ADCY5: variants seen among roughly 807,000 people sequenced by gnomAD.
The protein encoded by ADCY5 is adenylate cyclase 5.
ADCY5 carries 30 observed loss-of-function variants against 119.7 expected under a neutral mutation model. That is an observed-to-expected ratio of 0.25 (90% CI 0.19 to 0.34). ADCY5 has a LOEUF of 0.34. Among genes scored for constraint, ADCY5 ranks in the 10% least tolerant of loss-of-function variants. The pLI, the probability that ADCY5 is intolerant of heterozygous loss-of-function variation, is 1.00. For synonymous variants in ADCY5, 753 were observed against 762.2 expected, an observed-to-expected ratio of 0.99 and a Z score of 0.20; for missense variants, 1,324 against 1,775.2, an observed-to-expected ratio of 0.75 and a Z score of 4.57.
intron 1 of ADCY5, among the ~76,000 whole-genome samples, chr3:123,372,843 G>A (rs562409172): frequency 1.4e-4 from 21 of 152,276 alleles, no homozygotes; most frequent in Admixed American, 7.2e-4. Flanking sequence ...ATCAGCATTG[G>A]CAAGTCTGAA....
chr3:123,396,595 A>G (rs1944579987), intron 1 of ADCY5, among the ~76,000 whole-genome samples: 1 of 148,068 alleles, frequency 6.8e-6, no homozygotes, highest in African/African-American at 2.5e-5. Context: ...AAAGAGAAGA[A>G]AAAAGAGAGA....
intron 2 of ADCY5, among the ~76,000 whole-genome samples, chr3:123,350,605 C>T (rs1230668079): frequency 2.0e-5 from 3 of 152,184 alleles, no homozygotes; most frequent in Non-Finnish European, 2.9e-5. Context: ...CACAGGGCAC[C>T]TAGAAGCTTC....
intron 1 of ADCY5, among the ~76,000 whole-genome samples, chr3:123,407,470 G>C (rs1944929167): frequency 6.6e-6 from 1 of 151,838 alleles, no homozygotes; most frequent in African/African-American, 2.4e-5. Context: ...TTTTGCAAAT[G>C]CCAGGTATAG....
intron 3 of ADCY5, among the ~76,000 whole-genome samples, chr3:123,335,646 C>T (rs929204471): frequency 6.6e-6 from 1 of 152,106 alleles, no homozygotes; most frequent in Non-Finnish European, 1.5e-5. Flanking sequence ...GCTGTGGTAC[C>T]GGACAGGTAC....
chr3:123,302,865 G>C lies in ADCY5; in HGVS notation c.2724+190C>G, dbSNP rs1277541995. ...CCGCTTTAACAGTCATTGTCATATG[G>C]AGGAGGCTCCCCTTGTTCCCAGTGC... On this transcript the variant is annotated intron_variant, in intron 14 of 20. Transcript: ENST00000462833. 2.0e-5 allele frequency among the ~76,000 whole-genome samples: 3 copies of C among 152,318 alleles called. No homozygotes were observed. The East Asian group carries it at 5.8e-4, about 29-fold the overall frequency.
intron 1 of ADCY5, among the ~76,000 whole-genome samples, chr3:123,372,618 C>T (rs1943678326): frequency 6.6e-6 from 1 of 152,204 alleles, no homozygotes; most frequent in Non-Finnish European, 1.5e-5. Context: ...GAGAAACACA[C>T]ATGCCTGCCT....
At position 123,291,181 on chromosome 3, in the gene ADCY5, G is replaced by A. The variant is rs2108193709; in HGVS notation, c.3259C>T (p.Leu1087=). ...TCGACACCCTCGTTGTTGGCCTCCAGCTCAACGTAGAACTCGGAGAAGTTG... is the reference window on the plus strand; with the variant it reads ...TCGACACCCTCGTTGTTGGCCTCCAACTCAACGTAGAACTCGGAGAAGTTG... ...IANFSEFYVE[L]EANNEGVECL... is the part of the protein sequence containing the mutation. Residue 1087 remains leucine, a synonymous_variant, in exon 18 of 21, where the codon CTG becomes TTG. Coordinates refer to ENST00000462833, the MANE Select transcript of ADCY5 (RefSeq NM_183357.3). 6.2e-7 allele frequency: 1 copy of A among 1,614,130 alleles called. No individual in the cohort carries two copies. Among genetic ancestry groups the A allele is most frequent in the Non-Finnish European group, 8.5e-7 (1 of 1,180,048 alleles).
chr3:123,424,965 C>T (rs906780433), intron 1 of ADCY5, among the ~76,000 whole-genome samples: 12 of 152,228 alleles, frequency 7.9e-5, no homozygotes, highest in Admixed American at 1.3e-4. Context: ...AGGTTCATTT[C>T]GAGACTGACT....
intron 11 of ADCY5, among the ~76,000 whole-genome samples, chr3:123,314,915 C>T (rs955479055): frequency 2.0e-5 from 3 of 150,990 alleles, no homozygotes; most frequent in Non-Finnish European, 4.4e-5. Context: ...CAACAAGTCC[C>T]GCAGTTTTTG....
rs573368746 is a variant in ADCY5 at position 123,342,519 on chromosome 3, T to C, written c.1406+5263A>G. Reference sequence around the variant, plus strand: ...CCTCTGCCGGGACCCTGGCTGCAGATCCACAGGACTCGGGTGCCTGATCCA... The same window carrying C: ...CCTCTGCCGGGACCCTGGCTGCAGACCCACAGGACTCGGGTGCCTGATCCA... On this transcript the variant is annotated intron_variant, in intron 3 of 20. Transcript: ENST00000462833. Among the ~76,000 whole-genome samples the C allele has an allele frequency of 1.9e-3, 293 of 152,228 alleles. 2 individuals are homozygous for C. Among genetic ancestry groups the C allele is most frequent in the African/African-American group, 6.7e-3 (280 of 41,534 alleles).
chr3:123,396,727 G>GAGGAAGGAAGGAAGGA (rs774264918), intron 1 of ADCY5, among the ~76,000 whole-genome samples: 12 of 45,662 alleles, frequency 2.6e-4, no homozygotes, highest in African/African-American at 9.7e-4. Flanking sequence ...AGAAGGGAGG[G>GAGGAAGGAAGGAAGGA]AGGAAGGAAG....
chr3:123,303,365 G>C (rs1031561105), intron 13 of ADCY5, 146 bp from the exon 14 acceptor site: 11 of 942,298 alleles, frequency 1.2e-5, no homozygotes, highest in African/African-American at 1.7e-5. Context: ...GAAAGAGTCT[G>C]AGGAACGGGC....
intron 19 of ADCY5, chr3:123,287,100 C>A: frequency 3.3e-6 from 1 of 299,386 alleles, no homozygotes. Context: ...TTCCCTAATC[C>A]TCCTCCTCTT....
intron 1 of ADCY5, among the ~76,000 whole-genome samples, chr3:123,396,092 G>A (rs79798851): frequency 0.98 from 55,501 of 56,622 alleles, 27,213 homozygotes; most frequent in East Asian, 0.99. Context: ...GGGAAGGAGG[G>A]AGGGAAGGAA....
In ADCY5 at chr3:123,283,919, G is replaced by A. The variant is rs1267812462; in HGVS notation, c.*689C>T. 1 of 152,228 alleles carries A rather than the reference G, an allele frequency of 6.6e-6. No homozygotes were observed. Among genetic ancestry groups the A allele is most frequent in the African/African-American group, 2.4e-5 (1 of 41,446 alleles). The allele number at this position is 152,228 out of a possible 1,614,324, so 9.4% of individuals were successfully genotyped here. On this transcript the variant is annotated 3_prime_UTR_variant, in exon 21 of 21. Transcript: ENST00000462833. ...CTCTTACACGCATACAACTAGCATA[G>A]TCTAAAGAAGGGCACGGAGAACTTG... is the stretch of plus-strand genomic sequence containing the variant.
At chr3:123,345,583 G>C (rs1248804123) in intron 3 of ADCY5, among the ~76,000 whole-genome samples, 1 of 152,272 alleles carries the variant, frequency 6.6e-6, no homozygotes, top group East Asian at 1.9e-4. Context: ...CACTTGGTGG[G>C]CTACCCCTTC....
chr3:123,345,215 T>C (rs1418008118), intron 3 of ADCY5, among the ~76,000 whole-genome samples: 3 of 152,002 alleles, frequency 2.0e-5, no homozygotes, highest in Admixed American at 6.5e-5. Context: ...GCCAGCACCG[T>C]GGAACGAGGA....
chr3:123,416,202 T>G (rs1945182001), intron 1 of ADCY5: 1 of 1,536,072 alleles, frequency 6.5e-7, no homozygotes. Context: ...GGGCCCATTC[T>G]CCTCCAGGAC....
chr3:123,300,414 T>C (rs968905026), intron 14 of ADCY5, 119 bp from the exon 15 acceptor site: 2 of 1,166,130 alleles, frequency 1.7e-6, no homozygotes, highest in African/African-American at 3.1e-5. Flanking sequence ...ATGTTTCTGC[T>C]GATGTAAATT....
Sources: gnomAD v4.1 joint callset for allele counts (sites outside exome capture counted in the v4.1 genomes callset) on GRCh38, gnomAD v4.1.1 for gene constraint, MANE v1.5 for transcripts, NCBI Gene and HGNC (gene_info 2026-07-23, HGNC 2026-07-21) for gene names.